Variants in PBX3 observed in about 807,000 individuals in gnomAD.
PBX3 encodes pre-B-cell leukemia transcription factor 3.
In PBX3, 14 loss-of-function variants were observed where a neutral mutation model predicts 48.5. That is an observed-to-expected ratio of 0.29 (90% CI 0.19 to 0.45). PBX3 has a LOEUF of 0.45. PBX3 is among the 20% of genes least tolerant of loss of function. PBX3 has a pLI of 1.00. For missense variants in PBX3, 386 were observed against 546.7 expected, an observed-to-expected ratio of 0.71 and a Z score of 2.93; for synonymous variants, 210 against 200.3, an observed-to-expected ratio of 1.05 and a Z score of -0.41.
At chr9:125,932,777 C>T (rs1409540961) in intron 4 of PBX3, among the ~76,000 whole-genome samples, 1 of 152,170 alleles carries the variant, frequency 6.6e-6, no homozygotes, top group Admixed American at 6.5e-5. Flanking sequence ...TAAATAACTG[C>T]ATTCATAATG....
chr9:125,870,792 T>A (rs1305612759), intron 2 of PBX3, among the ~76,000 whole-genome samples: 1 of 152,208 alleles, frequency 6.6e-6, no homozygotes, highest in African/African-American at 2.4e-5. Context: ...GAATAAAATT[T>A]TGATTATCAG....
chr9:125,919,357 T>C (rs2054338864), intron 3 of PBX3, among the ~76,000 whole-genome samples: 1 of 124,660 alleles, frequency 8.0e-6, no homozygotes, highest in Non-Finnish European at 1.6e-5. Context: ...CATGCCCGTC[T>C]AATTTTTTTT....
chr9:125,813,076 A>G (rs1486521235), intron 2 of PBX3, among the ~76,000 whole-genome samples: 1 of 152,222 alleles, frequency 6.6e-6, no homozygotes, highest in Non-Finnish European at 1.5e-5. Context: ...TTATTTCTTC[A>G]ATAAGTTACC....
chr9:125,881,737 T>C (rs898387810), intron 2 of PBX3, among the ~76,000 whole-genome samples: 1 of 152,118 alleles, frequency 6.6e-6, no homozygotes, highest in Non-Finnish European at 1.5e-5. Context: ...GCTCCTGTCT[T>C]GGCCTCCCAA....
rs180954231 is a variant in PBX3, at chr9:125,849,106, C to A, written c.275-66580C>A. On this transcript the variant is annotated intron_variant, in intron 2 of 8. Coordinates refer to ENST00000373489, the MANE Select transcript of PBX3 (RefSeq NM_006195.6). ...GCTCCAAGATGTTAATCAGCTTGCT[C>A]CGGATCACATGGCTAATAAGTGAGT... 7.2e-5 allele frequency among the ~76,000 whole-genome samples: 11 copies of A among 152,020 alleles called. No homozygotes were observed. The East Asian group carries it at 1.9e-3, about 27-fold the overall frequency.
chr9:125,943,279 C>T (rs559276468), intron 5 of PBX3, among the ~76,000 whole-genome samples: 1 of 142,516 alleles, frequency 7.0e-6, no homozygotes, highest in East Asian at 2.2e-4. Context: ...TCACTTGAGC[C>T]TAGAGGTGGA....
intron 2 of PBX3, among the ~76,000 whole-genome samples, chr9:125,830,864 T>C (rs532633761): frequency 6.6e-6 from 1 of 152,280 alleles, no homozygotes; most frequent in East Asian, 1.9e-4. Flanking sequence ...TTGTTGTTGT[T>C]CATTGGTGTG....
At chr9:125,876,846 G>A (rs1281379098) in intron 2 of PBX3, among the ~76,000 whole-genome samples, 3 of 148,384 alleles carry the variant, frequency 2.0e-5, no homozygotes, top group Non-Finnish European at 4.5e-5. Context: ...GTGCAGTGGA[G>A]TGATCTCAGC....
intron 2 of PBX3, among the ~76,000 whole-genome samples, chr9:125,774,521 C>A (rs1837020693): frequency 6.6e-6 from 1 of 152,144 alleles, no homozygotes; most frequent in African/African-American, 2.4e-5. Context: ...TTGTGACTGG[C>A]ATCTTTCACT....
At position 125,962,260 on chromosome 9, in the gene PBX3, G is replaced by A. The variant is rs537197161; in HGVS notation, c.1122+46G>A. 5 of 1,144,870 alleles carry A rather than the reference G, an allele frequency of 4.4e-6. No individual in the cohort carries two copies. In the African/African-American group the frequency reaches 4.5e-5, roughly 10 times the overall value. 70.9% of individuals were successfully genotyped at this position (1,144,870 alleles called of 1,614,324 possible). ...GGGCCTTTCTAGCAGGGTAGGGTTT[G>A]GGCTCAAAACTCCTTCCTCTGACCC... On this transcript the variant is annotated intron_variant, in intron 7 of 8. Transcript: ENST00000373489.
At chr9:125,781,534 G>A (rs1215984399) in intron 2 of PBX3, among the ~76,000 whole-genome samples, 1 of 143,632 alleles carries the variant, frequency 7.0e-6, no homozygotes, top group Non-Finnish European at 1.5e-5. Flanking sequence ...GGGTGACCGA[G>A]AGGGAGAGGG....
intron 2 of PBX3, among the ~76,000 whole-genome samples, chr9:125,749,869 A>G (rs896446818): frequency 5.9e-5 from 9 of 152,214 alleles, no homozygotes; most frequent in African/African-American, 2.2e-4. Flanking sequence ...ATGCTAAACC[A>G]TAATAAGCAG....
chr9:125,812,045 C>T (rs749838360), intron 2 of PBX3, among the ~76,000 whole-genome samples: 3 of 152,122 alleles, frequency 2.0e-5, no homozygotes, highest in East Asian at 1.9e-4. Flanking sequence ...CTTGTGAACA[C>T]GCAGCAAGAA....
intron 4 of PBX3, among the ~76,000 whole-genome samples, chr9:125,932,360 G>C (rs752262625): frequency 6.6e-6 from 1 of 152,128 alleles, no homozygotes; most frequent in Non-Finnish European, 1.5e-5. Flanking sequence ...CAGACTGAAA[G>C]TCATGTAGGC....
intron 2 of PBX3, among the ~76,000 whole-genome samples, chr9:125,894,618 C>T (rs1840726665): frequency 6.7e-6 from 1 of 150,360 alleles, no homozygotes; most frequent in Non-Finnish European, 1.5e-5. Context: ...CAATTCATGC[C>T]TACAGCCATG....
At chr9:125,931,577 C>A (rs1841716481) in intron 4 of PBX3, among the ~76,000 whole-genome samples, 1 of 152,192 alleles carries the variant, frequency 6.6e-6, no homozygotes, top group South Asian at 2.1e-4. Context: ...GCAGGAGCCA[C>A]CATGCCCAGC....
intron 2 of PBX3, among the ~76,000 whole-genome samples, chr9:125,821,689 G>A (rs538912955): frequency 2.6e-5 from 4 of 152,152 alleles, no homozygotes; most frequent in African/African-American, 9.6e-5. Context: ...TGTTGCTCTG[G>A]TGGTTCCCCT....
intron 2 of PBX3, among the ~76,000 whole-genome samples, chr9:125,833,734 C>A (rs1164415226): frequency 1.3e-5 from 2 of 152,202 alleles, no homozygotes; most frequent in East Asian, 3.9e-4. Context: ...AGGAGGCTTG[C>A]AGAGTACTTG....
chr9:125,885,667 T>TG (rs1412613206), intron 2 of PBX3, among the ~76,000 whole-genome samples: 2 of 152,130 alleles, frequency 1.3e-5, no homozygotes, highest in African/African-American at 2.4e-5. Flanking sequence ...ATGTTCTCCC[T>TG]GGAAATGTTT....
Sources: gnomAD v4.1 joint callset for allele counts (sites outside exome capture counted in the v4.1 genomes callset) on GRCh38, gnomAD v4.1.1 for gene constraint, MANE v1.5 for transcripts, NCBI Gene and HGNC (gene_info 2026-07-23, HGNC 2026-07-21) for gene names.